IMPACT: variants seen among roughly 807,000 people sequenced by gnomAD.
IMPACT encodes impact RWD domain protein.
A neutral mutation model predicts 47.5 loss-of-function variants in IMPACT; 35 were observed. The ratio of observed to expected loss-of-function variants is 0.74; its 90% CI spans 0.56 to 0.98. IMPACT has a LOEUF of 0.98. Ranked by LOEUF, IMPACT falls within the 50% of genes least tolerant of loss-of-function variation. The pLI, the probability that IMPACT is intolerant of heterozygous loss-of-function variation, is 0.00. For missense variants in IMPACT, 373 were observed against 394.8 expected, an observed-to-expected ratio of 0.94 and a Z score of 0.47; for synonymous variants, 118 against 125.6, an observed-to-expected ratio of 0.94 and a Z score of 0.40.
At chr18:24,445,186 C>T (rs1474457582) in intron 7 of IMPACT, among the ~76,000 whole-genome samples, 2 of 152,110 alleles carry the variant, frequency 1.3e-5, no homozygotes, top group Non-Finnish European at 1.5e-5. Context: ...CTCAAAAATA[C>T]CAGGTCTGTC....
intron 4 of IMPACT, among the ~76,000 whole-genome samples, chr18:24,437,059 ATGT>A (rs144830637): frequency 0.026 from 3,920 of 152,036 alleles, 168 homozygotes; most frequent in African/African-American, 0.09. Context: ...TTTAAAAACA[ATGT>A]TGTTTTCTTC....
At chr18:24,439,378 A>G (rs1909032379) in intron 5 of IMPACT, among the ~76,000 whole-genome samples, 1 of 152,140 alleles carries the variant, frequency 6.6e-6, no homozygotes, top group Non-Finnish European at 1.5e-5. Context: ...TAAAAATACA[A>G]GAATTACCCA....
At chr18:24,428,534 C>G (rs1233282427) in intron 2 of IMPACT, among the ~76,000 whole-genome samples, 1 of 152,186 alleles carries the variant, frequency 6.6e-6, no homozygotes, top group African/African-American at 2.4e-5. Flanking sequence ...TATGTACTTT[C>G]AACATAAAGG....
At position 24,449,673 on chromosome 18, in the gene IMPACT, C is replaced by T. The variant is rs569045926; in HGVS notation, c.760-146C>T. ...GAATTGTTAGTAATCTCACTCAGTG[C>T]CTACTCACTCATATGGCTCTACCAT... On this transcript the variant is annotated intron_variant, in intron 9 of 10. Coordinates refer to ENST00000284202, the MANE Select transcript of IMPACT (RefSeq NM_018439.4). 4.1e-5 allele frequency: 26 copies of T among 633,354 alleles called. No homozygotes were observed. The South Asian group carries it at 5.2e-4, about 13-fold the overall frequency. The allele number at this position is 633,354 out of a possible 1,614,324, so 39.2% of individuals were successfully genotyped here. A position where few individuals can be genotyped will look rare whatever the true frequency, so the allele number is the denominator to read the frequency against.
chr18:24,430,205 G>T, intron 3 of IMPACT, 117 bp from the exon 4 acceptor site: 1 of 591,642 alleles, frequency 1.7e-6, no homozygotes, highest in Non-Finnish European at 2.9e-6. Flanking sequence ...ACAAATATAA[G>T]ACCATTTATG....
intron 7 of IMPACT, among the ~76,000 whole-genome samples, chr18:24,444,025 GGGATAC>G (rs1268276215): frequency 6.6e-6 from 1 of 152,168 alleles, no homozygotes; most frequent in Non-Finnish European, 1.5e-5. Context: ...CTGGGCTTCA[GGGATAC>G]AGCTCTTTGT....
intron 7 of IMPACT, among the ~76,000 whole-genome samples, chr18:24,444,446 C>T (rs957078264): frequency 2.0e-5 from 3 of 152,240 alleles, no homozygotes; most frequent in Admixed American, 6.5e-5. Flanking sequence ...TTCCATACTT[C>T]TTGCCATTAC....
chr18:24,444,554 G>T (rs1284637828), intron 7 of IMPACT, among the ~76,000 whole-genome samples: 1 of 152,156 alleles, frequency 6.6e-6, no homozygotes, highest in Non-Finnish European at 1.5e-5. Context: ...TACAAGGGAA[G>T]ATCTAAACTT....
At position 24,432,243 on chromosome 18, in the gene IMPACT, G is replaced by GGGGCTAAT. The variant is rs1908776980; in HGVS notation, c.281+1861_281+1868dup. On this transcript the variant is annotated intron_variant, in intron 4 of 10. Coordinates refer to ENST00000284202, the MANE Select transcript of IMPACT (RefSeq NM_018439.4). ...AGAGTAGATGTGGGACATCAGTTAG[G>GGGGCTAAT]GGGCTAATGCAGTTGTCTAGAGAGG... is the stretch of plus-strand genomic sequence containing the variant. 4.6e-5 allele frequency among the ~76,000 whole-genome samples: 7 copies of GGGGCTAAT among 152,322 alleles called. 1 individual carries two copies. In the South Asian group the frequency reaches 1.4e-3, roughly 32 times the overall value.
At position 24,433,620 on chromosome 18, in the gene IMPACT, C is replaced by T. The variant is rs533402810; in HGVS notation, c.281+3236C>T. Among the ~76,000 whole-genome samples the T allele has an allele frequency of 2.0e-5, 3 of 150,904 alleles. 1 individual carries two copies. Among genetic ancestry groups the T allele is most frequent in the African/African-American group, 7.3e-5 (3 of 41,164 alleles). On this transcript the variant is annotated intron_variant, in intron 4 of 10. Transcript: ENST00000284202. ...TCCTGAGTAGCTGGGACTACAGGCA[C>T]ATACACCACACCTGGCTTTATTTTT...
At chr18:24,432,600 G>A (rs1233880163) in intron 4 of IMPACT, among the ~76,000 whole-genome samples, 1 of 152,022 alleles carries the variant, frequency 6.6e-6, no homozygotes, top group Admixed American at 6.6e-5. Flanking sequence ...TTAATTAAAT[G>A]TTTTCTGATA....
At chr18:24,448,937 G>T (rs918687580) in intron 9 of IMPACT, among the ~76,000 whole-genome samples, 2 of 152,088 alleles carry the variant, frequency 1.3e-5, no homozygotes, top group African/African-American at 4.8e-5. Context: ...TAGTTACCTG[G>T]TTTTTTCTGC....
intron 9 of IMPACT, among the ~76,000 whole-genome samples, chr18:24,449,167 C>T (rs896633650): frequency 3.9e-5 from 6 of 151,924 alleles, no homozygotes; most frequent in African/African-American, 1.5e-4. Context: ...TCGAAACCAG[C>T]CTGGGCAACA....
chr18:24,439,094 T>C (rs1599764501), intron 5 of IMPACT, among the ~76,000 whole-genome samples: 1 of 152,308 alleles, frequency 6.6e-6, no homozygotes, highest in African/African-American at 2.4e-5. Flanking sequence ...GGGAGGTCAG[T>C]CTTTTAATGT....
In IMPACT at chr18:24,439,010, G is replaced by C. The variant is rs372558901; in HGVS notation, c.367+970G>C. Among the ~76,000 whole-genome samples, 51 of 152,284 alleles carry C rather than the reference G, an allele frequency of 3.3e-4. No homozygotes were observed. In the East Asian group the frequency reaches 6.0e-3, roughly 18 times the overall value. On this transcript the variant is annotated intron_variant, in intron 5 of 10. Transcript: ENST00000284202. ...CAAAATTTGCAGGATAGGCTGGCAG[G>C]CTGGGGACCCAGGGAAGAATGAATG... is the stretch of plus-strand genomic sequence containing the variant.
chr18:24,428,502 CTTAATCT>C (rs1194181840), intron 2 of IMPACT, among the ~76,000 whole-genome samples: 1 of 152,154 alleles, frequency 6.6e-6, no homozygotes, highest in Non-Finnish European at 1.5e-5. Context: ...TTTCTTAGTG[CTTAATCT>C]TTGATGACTG....
At position 24,453,160 on chromosome 18, in the gene IMPACT, C is replaced by G. The variant is rs1177106708; in HGVS notation, c.*2313C>G. On this transcript the variant is annotated 3_prime_UTR_variant, in exon 11 of 11. Coordinates refer to ENST00000284202, the MANE Select transcript of IMPACT (RefSeq NM_018439.4). ...TTATCTACTTTTTAGATGGGAATTG[C>G]AGAAGCTGCATCAAAAGTATGCTTT... 1.3e-5 allele frequency: 2 copies of G among 152,136 alleles called. No homozygotes were observed. Among genetic ancestry groups the G allele is most frequent in the Non-Finnish European group, 2.9e-5 (2 of 68,028 alleles). 9.4% of individuals were successfully genotyped at this position (152,136 alleles called of 1,614,324 possible).
chr18:24,427,877 A>T lies in IMPACT; in HGVS notation c.37-42A>T, dbSNP rs746846518. ...AAAGTAGTAAGAATAGGATTTTAAG[A>T]TGTGTACATTTGTTGACTTTTAAAA... is the stretch of plus-strand genomic sequence containing the variant. On this transcript the variant is annotated intron_variant, in intron 1 of 10. Transcript: ENST00000284202. 1.2e-5 allele frequency: 18 copies of T among 1,549,352 alleles called. No individual in the cohort carries two copies. In the South Asian group the frequency reaches 1.9e-4, roughly 16 times the overall value.
chr18:24,442,231 G>A (rs142502049), intron 6 of IMPACT, among the ~76,000 whole-genome samples: 1,942 of 144,696 alleles, frequency 0.013, 45 homozygotes, highest in African/African-American at 0.047. Context: ...TCGGCTCACT[G>A]CAACCTCCGC....
Sources: allele counts gnomAD v4.1 joint callset (sites outside exome capture counted in the v4.1 genomes callset), GRCh38; gene constraint gnomAD v4.1.1; transcripts MANE v1.5; gene names NCBI Gene and HGNC (gene_info 2026-07-23, HGNC 2026-07-21).